RASSF2: variants seen among roughly 807,000 people sequenced by gnomAD.
The protein encoded by RASSF2 is ras association domain-containing protein 2.
A neutral mutation model predicts 46.3 loss-of-function variants in RASSF2; 34 were observed. The ratio of observed to expected loss-of-function variants is 0.73; its 90% CI spans 0.56 to 0.98. The LOEUF (loss-of-function observed/expected upper bound fraction) is 0.98. Ranked by LOEUF, RASSF2 falls within the 50% of genes least tolerant of loss-of-function variation. The pLI, the probability that RASSF2 is intolerant of heterozygous loss-of-function variation, is 0.00. For synonymous variants in RASSF2, 158 were observed against 162.5 expected, an observed-to-expected ratio of 0.97 and a Z score of 0.21; for missense variants, 364 against 431.2, an observed-to-expected ratio of 0.84 and a Z score of 1.38.
At chr20:4,786,380 AT>A (rs1374098713) in intron 10 of RASSF2, 52 bp from the exon 11 acceptor site, 1 of 1,403,908 alleles carries the variant, frequency 7.1e-7, no homozygotes, top group Admixed American at 1.7e-5. Flanking sequence ...CATTATTCCA[AT>A]TCCTTTCAGG....
At chr20:4,787,596 T>G (rs1925470969) in intron 10 of RASSF2, 37 bp downstream of exon 10, 1 of 1,613,000 alleles carries the variant, frequency 6.2e-7, no homozygotes, top group East Asian at 2.2e-5. Context: ...ATCCCCACCC[T>G]CCTGAGGACA....
intron 2 of RASSF2, 38 bp from the exon 3 acceptor site, chr20:4,801,100 T>G: frequency 6.4e-7 from 1 of 1,551,318 alleles, no homozygotes; most frequent in South Asian, 1.1e-5. Flanking sequence ...TAAAGTCAAG[T>G]TGTGTGCTTG....
intron 2 of RASSF2, among the ~76,000 whole-genome samples, chr20:4,808,969 A>C (rs573926196): frequency 4.3e-4 from 66 of 152,366 alleles, no homozygotes; most frequent in South Asian, 1.7e-3. Flanking sequence ...CTGCCAAAAT[A>C]GCTGGAGATG....
intron 2 of RASSF2, among the ~76,000 whole-genome samples, chr20:4,820,332 T>G (rs1206718122): frequency 6.6e-6 from 1 of 151,982 alleles, no homozygotes; most frequent in Non-Finnish European, 1.5e-5. Context: ...TAGCGAGACT[T>G]CATCTCTATA....
chr20:4,793,675 T>C (rs1273091648), intron 5 of RASSF2, among the ~76,000 whole-genome samples: 1 of 151,992 alleles, frequency 6.6e-6, no homozygotes, highest in East Asian at 1.9e-4. Flanking sequence ...GAGACAGGGT[T>C]TCACCATGTT....
intron 8 of RASSF2, among the ~76,000 whole-genome samples, chr20:4,789,144 T>TTG (rs1294940742): frequency 6.6e-6 from 1 of 152,110 alleles, no homozygotes; most frequent in African/African-American, 2.4e-5. Context: ...GCACTATAAT[T>TTG]TGCACGTCTA....
chr20:4,788,890 C>T (rs1030547357), intron 8 of RASSF2, among the ~76,000 whole-genome samples: 1 of 152,156 alleles, frequency 6.6e-6, no homozygotes, highest in African/African-American at 2.4e-5. Context: ...CACGACGATA[C>T]CATAGTGAAG....
At chr20:4,784,939 C>T (rs1268494033) in intron 11 of RASSF2, among the ~76,000 whole-genome samples, 10 of 152,126 alleles carry the variant, frequency 6.6e-5, no homozygotes, top group Admixed American at 6.5e-4. Flanking sequence ...GGAGTGGGCA[C>T]TGTTGTGCAG....
chr20:4,788,072 C>T (rs1250003021), intron 9 of RASSF2, 145 bp downstream of exon 9: 1 of 797,718 alleles, frequency 1.3e-6, no homozygotes, highest in Non-Finnish European at 2.1e-6. Context: ...TAGACTCATA[C>T]AGCAAGCCCA....
At chr20:4,786,187 G>T in intron 11 of RASSF2, 44 bp downstream of exon 11, 1 of 1,484,238 alleles carries the variant, frequency 6.7e-7, no homozygotes, top group Non-Finnish European at 9.4e-7. Flanking sequence ...CCTCTGTTGA[G>T]GCCCCAGGAG....
chr20:4,794,422 G>A (rs1469950383), intron 5 of RASSF2, among the ~76,000 whole-genome samples: 1 of 151,946 alleles, frequency 6.6e-6, no homozygotes, highest in Non-Finnish European at 1.5e-5. Flanking sequence ...ATACAAAAAT[G>A]GCTGGGTTTG....
Position 4,812,308 on chromosome 20 carries a change from G to C in RASSF2, c.-33+10021C>G, listed in dbSNP as rs1927886678. ...CCCCTACACCAACCTCATTACGAAA[G>C]AAACTTTATTATCCTCATTTTGCAG... On this transcript the variant is annotated intron_variant, in intron 2 of 11. Transcript: ENST00000379400. The surrounding 1 kb of genome is among the most constrained non-coding windows in gnomAD (Gnocchi z 4.0). 6.6e-6 allele frequency among the ~76,000 whole-genome samples: 1 copy of C among 152,200 alleles called. No homozygotes were observed. Among genetic ancestry groups the C allele is most frequent in the African/African-American group, 2.4e-5 (1 of 41,444 alleles).
At chr20:4,815,078 C>G (rs1477130872) in intron 2 of RASSF2, 1 of 152,214 alleles carries the variant, frequency 6.6e-6, no homozygotes, top group Non-Finnish European at 1.5e-5. Flanking sequence ...ACTGGAGGAG[C>G]CGTGGGCGCT....
intron 2 of RASSF2, among the ~76,000 whole-genome samples, 179 bp from the exon 3 acceptor site, chr20:4,801,241 C>T (rs530497295): frequency 1.2e-4 from 18 of 152,312 alleles, no homozygotes; most frequent in East Asian, 9.6e-4. Context: ...GCTGCTGCCT[C>T]GGCTTGCCAC....
chr20:4,801,080 A>AGACAGAGG lies in RASSF2; in HGVS notation c.-32-26_-32-19dup. On this transcript the variant is annotated intron_variant, in intron 2 of 11. Coordinates refer to ENST00000379400, the MANE Select transcript of RASSF2 (RefSeq NM_014737.3). ...GGAGAGGCCTACATTTGGAAGGAGA[A>AGACAGAGG]GACAGAGGTTAAAGTCAAGTTGTGT... The AGACAGAGG allele has an allele frequency of 6.3e-7, 1 of 1,598,454 alleles. No homozygotes were observed. The highest frequency in any genetic ancestry group is 8.6e-7 in the Non-Finnish European group (1 of 1,166,268).
rs533627794 is a variant in RASSF2, at chr20:4,799,301, C to G, written c.60-1216G>C. On this transcript the variant is annotated intron_variant, in intron 3 of 11. Transcript: ENST00000379400. ...CGTGGCCAGAGAGGAGATTTCACCC[C>G]CTTTGTGATCAGGGAAATCCCTCAT... Among the ~76,000 whole-genome samples the G allele has an allele frequency of 8.1e-4, 124 of 152,296 alleles. 2 individuals are homozygous for G. In the South Asian group the frequency reaches 0.023, roughly 28 times the overall value.
chr20:4,792,096 C>T (rs1463145804), intron 6 of RASSF2, among the ~76,000 whole-genome samples: 1 of 151,984 alleles, frequency 6.6e-6, no homozygotes, highest in Admixed American at 6.6e-5. Context: ...ACTAGAAATA[C>T]AAAAATTAGC....
chr20:4,807,299 C>A (rs574053403), intron 2 of RASSF2, among the ~76,000 whole-genome samples: 7 of 148,436 alleles, frequency 4.7e-5, no homozygotes, highest in Non-Finnish European at 8.9e-5. Context: ...GAAATTGATA[C>A]CAACCTGTGA....
chr20:4,823,448 G>C (rs1104903), intron 1 of RASSF2, 109 bp downstream of exon 1: 4,639 of 152,402 alleles, frequency 0.03, 264 homozygotes, highest in African/African-American at 0.11. Flanking sequence ...AATCCAGCCA[G>C]GCTGGGCAGG....
Sources: allele counts gnomAD v4.1 joint callset (sites outside exome capture counted in the v4.1 genomes callset), GRCh38; gene constraint gnomAD v4.1.1; non-coding constraint Gnocchi (gnomAD v3.1); transcripts MANE v1.5; gene names NCBI Gene and HGNC (gene_info 2026-07-23, HGNC 2026-07-21).